The following NADSYN1 variants were observed in gnomAD, a reference collection of about 807,000 sequenced individuals.
NADSYN1 encodes glutamine-dependent NAD(+) synthetase.
NADSYN1 carries 80 observed loss-of-function variants against 99.3 expected under a neutral mutation model. The observed-to-expected ratio is 0.81, with a 90% confidence interval of 0.67 to 0.97. NADSYN1 has a LOEUF of 0.97. Ranked by LOEUF, NADSYN1 falls within the 50% of genes least tolerant of loss-of-function variation. The pLI is 0.00. For missense variants in NADSYN1, 859 were observed against 948.5 expected (o/e 0.91, Z 1.24); for synonymous variants, 385 against 372.1 (o/e 1.03, Z -0.40).
In NADSYN1 at chr11:71,484,356, T is replaced by G. The variant is rs1949728173; in HGVS notation, c.1364T>G (p.Met455Arg). Residue 455 changes from methionine to arginine, a missense_variant, in exon 15 of 21, where the codon ATG (methionine) becomes AGG (arginine). By Grantham distance (91) the Met-to-Arg change is moderately conservative. Coordinates refer to ENST00000319023, the MANE Select transcript of NADSYN1 (RefSeq NM_018161.5). ...LNIDPAVKAVMGIFSLVTGKS... is the reference protein window; with the variant it reads ...LNIDPAVKAVRGIFSLVTGKS... The stretch of plus-strand genomic sequence containing the variant: ...ATCGATCCAGCCGTGAAGGCCGTCA[T>G]GGGCATCTTCAGCCTGGTGACGGGG... 1.2e-6 allele frequency: 2 copies of G among 1,614,120 alleles called. No homozygotes were observed. Among genetic ancestry groups the G allele is most frequent in the East Asian group, 2.2e-5 (1 of 44,896 alleles).
intron 20 of NADSYN1, among the ~76,000 whole-genome samples, chr11:71,500,510 A>C (rs1237600897): frequency 6.6e-6 from 1 of 152,172 alleles, no homozygotes; most frequent in Non-Finnish European, 1.5e-5. Context: ...TGTGTGCAGG[A>C]TGGGCCCCTC....
At chr11:71,493,869 C>T (rs754384071) in intron 18 of NADSYN1, among the ~76,000 whole-genome samples, 10 of 152,092 alleles carry the variant, frequency 6.6e-5, no homozygotes, top group Admixed American at 2.0e-4. Flanking sequence ...TGGTGGCTCA[C>T]GCCTGTAATC....
intron 13 of NADSYN1, among the ~76,000 whole-genome samples, chr11:71,482,272 C>G (rs908487453): frequency 2.0e-5 from 3 of 152,350 alleles, no homozygotes; most frequent in African/African-American, 4.8e-5. Context: ...CCTGCCTGCT[C>G]TGTGCACGGT....
chr11:71,494,714 CCTGG>C (rs1375429431), intron 18 of NADSYN1, among the ~76,000 whole-genome samples: 1 of 152,078 alleles, frequency 6.6e-6, no homozygotes, highest in African/African-American at 2.4e-5. Context: ...CACCTCCACG[CCTGG>C]CTAATTTTGT....
Position 71,498,181 on chromosome 11 carries a change from C to T in NADSYN1, c.1894-171C>T, listed in dbSNP as rs946695148. ...GCAGGGGGACCCCGGTTTCATAGCT[C>T]GGCCAGTGTCCCCGGCCTGAGCACG... On this transcript the variant is annotated intron_variant, in intron 19 of 20. Coordinates refer to ENST00000319023, the MANE Select transcript of NADSYN1 (RefSeq NM_018161.5). Among the ~76,000 whole-genome samples the T allele has an allele frequency of 2.6e-5, 4 of 152,210 alleles. No individual in the cohort carries two copies. The East Asian group carries it at 7.7e-4, about 29-fold the overall frequency.
At chr11:71,461,486 C>T (rs996524298) in intron 3 of NADSYN1, among the ~76,000 whole-genome samples, 9 of 151,994 alleles carry the variant, frequency 5.9e-5, no homozygotes, top group African/African-American at 1.5e-4. Flanking sequence ...TGGAGTGCAG[C>T]GGTGCGATCT....
At chr11:71,458,342 C>T (rs1010858290) in intron 2 of NADSYN1, 86 bp from the exon 3 acceptor site, 47 of 981,372 alleles carry the variant, frequency 4.8e-5, no homozygotes, top group Admixed American at 2.3e-4. Context: ...CCCCCAGACA[C>T]GTTCAGACTG....
intron 18 of NADSYN1, 40 bp from the exon 19 acceptor site, chr11:71,497,443 G>A: frequency 1.9e-6 from 3 of 1,613,426 alleles, no homozygotes; most frequent in Non-Finnish European, 2.5e-6. Context: ...CCCCCGCTGT[G>A]ACTTGCTGTC....
chr11:71,481,724 A>G (rs956423528), intron 12 of NADSYN1, 199 bp from the exon 13 acceptor site: 2 of 607,092 alleles, frequency 3.3e-6, no homozygotes, highest in Non-Finnish European at 5.8e-6. Context: ...CACGCCCCGC[A>G]GTGAAGTGTC....
intron 19 of NADSYN1, 116 bp from the exon 20 acceptor site, chr11:71,498,236 G>C: frequency 1.7e-6 from 2 of 1,194,748 alleles, no homozygotes; most frequent in Non-Finnish European, 2.4e-6. Flanking sequence ...ATCGTGGAAG[G>C]TCCTGTGCGG....
chr11:71,466,883 A>T (rs1949594929), intron 5 of NADSYN1: 1 of 152,084 alleles, frequency 6.6e-6, no homozygotes, highest in South Asian at 2.1e-4. Context: ...AGACCCTGGG[A>T]CCCTGGGCGC....
rs190079892 is a variant in NADSYN1 at position 71,501,499 on chromosome 11, T to G, written c.*147T>G. On this transcript the variant is annotated 3_prime_UTR_variant, in exon 21 of 21. Coordinates refer to ENST00000319023, the MANE Select transcript of NADSYN1 (RefSeq NM_018161.5). ...AGAGGGAGGGAACTTTTCAGTCAAA[T>G]TCCTCAAAAAGAGGCTGGAATAAAG... The G allele has an allele frequency of 2.6e-4, 178 of 684,096 alleles. No homozygotes were observed. Among genetic ancestry groups the G allele is most frequent in the Middle Eastern group, 1.4e-3 (5 of 3,646 alleles). 42.4% of individuals were successfully genotyped at this position (684,096 alleles called of 1,614,324 possible).
chr11:71,481,881 T>C (rs1449395342), intron 12 of NADSYN1, 42 bp from the exon 13 acceptor site: 1 of 1,569,952 alleles, frequency 6.4e-7, no homozygotes, highest in South Asian at 1.1e-5. Context: ...GCATGCTGCT[T>C]CTCCGAGGCT....
At chr11:71,461,112 C>T (rs751039942) in intron 3 of NADSYN1, among the ~76,000 whole-genome samples, 11 of 152,136 alleles carry the variant, frequency 7.2e-5, no homozygotes, top group African/African-American at 2.4e-4. Flanking sequence ...TCCATTCCCA[C>T]GTAAGGTAAA....
intron 5 of NADSYN1, among the ~76,000 whole-genome samples, chr11:71,465,687 T>C (rs1199150567): frequency 6.6e-6 from 1 of 152,234 alleles, no homozygotes; most frequent in Non-Finnish European, 1.5e-5. Flanking sequence ...AATGCCCCGG[T>C]TGAGAAATTC....
intron 2 of NADSYN1, among the ~76,000 whole-genome samples, chr11:71,457,427 G>T (rs561627285): frequency 6.6e-6 from 1 of 152,170 alleles, no homozygotes; most frequent in South Asian, 2.1e-4. Flanking sequence ...GTAGAAAGGA[G>T]AACTTCTTGA....
chr11:71,462,878 C>T (rs1280281726), intron 3 of NADSYN1, among the ~76,000 whole-genome samples: 1 of 152,168 alleles, frequency 6.6e-6, no homozygotes, highest in African/African-American at 2.4e-5. Context: ...GGTCCCCACT[C>T]GAGTGCCCCC....
At chr11:71,478,310 A>G in intron 9 of NADSYN1, 85 bp from the exon 10 acceptor site, 2 of 1,143,924 alleles carry the variant, frequency 1.7e-6, no homozygotes, top group East Asian at 2.6e-5. Context: ...AGAAGGTGTG[A>G]CAACACCTTT....
At chr11:71,500,487 C>T (rs892700349) in intron 20 of NADSYN1, among the ~76,000 whole-genome samples, 5 of 152,196 alleles carry the variant, frequency 3.3e-5, no homozygotes, top group African/African-American at 1.2e-4. Context: ...AGGGATGCTG[C>T]TGAATGTCCT....
Sources: allele counts gnomAD v4.1 joint callset (sites outside exome capture counted in the v4.1 genomes callset), GRCh38; gene constraint gnomAD v4.1.1; transcripts MANE v1.5; gene names NCBI Gene and HGNC (gene_info 2026-07-23, HGNC 2026-07-21).